Variants in RAB28 observed in about 807,000 individuals in gnomAD.
RAB28 encodes ras-related protein Rab-28.
In RAB28, 24 loss-of-function variants were observed where a neutral mutation model predicts 31.7. The observed-to-expected ratio is 0.76, with a 90% CI of 0.55 to 1.06. RAB28 has a LOEUF of 1.06. Among genes scored for constraint, RAB28 ranks in the 50% least tolerant of loss-of-function variants. The probability of loss-of-function intolerance (pLI) is 0.00; values close to 1 mark genes in which losing one functional copy is unlikely to be tolerated. For synonymous variants in RAB28, 100 were observed against 90.4 expected, an observed-to-expected ratio of 1.11 and a Z score of -0.60; for missense variants, 254 against 258.5, an observed-to-expected ratio of 0.98 and a Z score of 0.12.
chr4:13,370,056 G>C, intron 6 of RAB28: 1 of 1,493,484 alleles, frequency 6.7e-7, no homozygotes, highest in South Asian at 1.4e-5. Context: ...ACTGAATATA[G>C]AAGGAAACAC....
chr4:13,371,125 G>A, intron 6 of RAB28: 1 of 985,288 alleles, frequency 1.0e-6, no homozygotes, highest in Non-Finnish European at 1.2e-6. Flanking sequence ...AAACAATCGA[G>A]AGTAAATGAA....
At chr4:13,480,578 A>G (rs1322580967) in intron 1 of RAB28, among the ~76,000 whole-genome samples, 3 of 151,930 alleles carry the variant, frequency 2.0e-5, no homozygotes, top group Non-Finnish European at 4.4e-5. Flanking sequence ...AAATTTGGCC[A>G]AACTTCAATT....
intron 4 of RAB28, among the ~76,000 whole-genome samples, chr4:13,444,121 G>A (rs1028105584): frequency 1.3e-5 from 2 of 151,036 alleles, no homozygotes; most frequent in African/African-American, 4.9e-5. Flanking sequence ...TCCGCCTCCC[G>A]GGTTCACGCC....
intron 4 of RAB28, among the ~76,000 whole-genome samples, chr4:13,452,003 T>C (rs745385943): frequency 1.3e-5 from 2 of 151,904 alleles, no homozygotes; most frequent in Non-Finnish European, 3.0e-5. Flanking sequence ...TTGTAGTATG[T>C]TTTCAACTTT....
At position 13,381,556 on chromosome 4, in the gene RAB28, G is replaced by A; in HGVS notation, c.430C>T (p.His144Tyr). 1.2e-6 allele frequency: 2 copies of A among 1,613,262 alleles called. No homozygotes were observed. The highest frequency in any genetic ancestry group is 1.7e-6 in the Non-Finnish European group (2 of 1,179,494). Residue 144 changes from histidine (H) to tyrosine (Y), a missense_variant, in exon 5 of 7, where the codon CAC becomes TAC. Transcript: ENST00000330852. ...EHMRTIKPEK[H>Y]LRFCQENGFS... is the part of the protein sequence containing the mutation. ...CCATTTTCCTGGCAAAACCGTAAGT[G>A]TTTTTCAGGTTTTATTGTTCGCATA...
chr4:13,479,331 T>C (rs1478450200), intron 2 of RAB28, 99 bp downstream of exon 2: 3 of 770,842 alleles, frequency 3.9e-6, no homozygotes, highest in African/African-American at 3.6e-5. Flanking sequence ...TACATCTTCA[T>C]GTAGAAGCAG....
At chr4:13,471,890 C>T (rs1393635863) in intron 3 of RAB28, among the ~76,000 whole-genome samples, 1 of 151,998 alleles carries the variant, frequency 6.6e-6, no homozygotes, top group Non-Finnish European at 1.5e-5. Flanking sequence ...AAACTTTATA[C>T]AAGTTCTAAG....
chr4:13,374,064 A>G (rs917113289), intron 6 of RAB28, among the ~76,000 whole-genome samples: 1 of 152,132 alleles, frequency 6.6e-6, no homozygotes, highest in Non-Finnish European at 1.5e-5. Context: ...TATGAATTGT[A>G]AAATCAATAA....
chr4:13,473,725 A>C, intron 3 of RAB28: 1 of 281,316 alleles, frequency 3.6e-6, no homozygotes, highest in Non-Finnish European at 7.1e-6. Flanking sequence ...TTATGTAATT[A>C]TTCAGGTCAT....
Position 13,408,213 on chromosome 4 carries a change from T to C in RAB28, c.392-26619A>G, listed in dbSNP as rs182528074. On this transcript the variant is annotated intron_variant, in intron 4 of 6. Coordinates refer to ENST00000330852, the MANE Select transcript of RAB28 (RefSeq NM_001017979.3). ...CAGTACCTTGTTTATTGAAAGTTTTTAGCACTAAGGGTTGTTGAATTTTGT... is the reference window on the plus strand; with the variant it reads ...CAGTACCTTGTTTATTGAAAGTTTTCAGCACTAAGGGTTGTTGAATTTTGT... Among the ~76,000 whole-genome samples, 4 of 152,358 alleles carry C rather than the reference T, an allele frequency of 2.6e-5. No individual in the cohort carries two copies. In the East Asian group the frequency reaches 7.7e-4, roughly 29 times the overall value.
At chr4:13,377,241 A>T (rs1266069241) in intron 5 of RAB28, among the ~76,000 whole-genome samples, 1 of 152,208 alleles carries the variant, frequency 6.6e-6, no homozygotes, top group Non-Finnish European at 1.5e-5. Context: ...CTTTCCACAC[A>T]TAGTTAGCTT....
intron 4 of RAB28, among the ~76,000 whole-genome samples, chr4:13,390,916 A>G (rs1729599625): frequency 1.3e-5 from 2 of 152,238 alleles, no homozygotes; most frequent in African/African-American, 2.4e-5. Context: ...AAGATGGATT[A>G]AAGACTTAAA....
chr4:13,449,862 T>C (rs748609208), intron 4 of RAB28, among the ~76,000 whole-genome samples: 8 of 151,818 alleles, frequency 5.3e-5, no homozygotes, highest in African/African-American at 9.7e-5. Context: ...GCAGCTTCTA[T>C]GTAACCCCTG....
At chr4:13,459,729 G>C (rs936670088) in intron 4 of RAB28, 2 of 1,015,824 alleles carry the variant, frequency 2.0e-6, no homozygotes, top group Non-Finnish European at 2.4e-6. Flanking sequence ...ATTTAGAAGA[G>C]GAAGTTTATA....
At chr4:13,373,840 C>G (rs1459098011) in intron 6 of RAB28, among the ~76,000 whole-genome samples, 1 of 152,068 alleles carries the variant, frequency 6.6e-6, no homozygotes, top group East Asian at 1.9e-4. Context: ...AACTCCTTCT[C>G]TATAGAATAA....
chr4:13,380,109 T>C (rs1729067524), intron 5 of RAB28, among the ~76,000 whole-genome samples: 1 of 152,146 alleles, frequency 6.6e-6, no homozygotes, highest in South Asian at 2.1e-4. Context: ...GATGAGTTTA[T>C]CTACAATTAT....
At chr4:13,370,097 T>G in intron 6 of RAB28, 11 of 1,418,132 alleles carry the variant, frequency 7.8e-6, no homozygotes, top group Non-Finnish European at 9.2e-6. Context: ...AACATATAAA[T>G]GTAAACATGT....
intron 4 of RAB28, among the ~76,000 whole-genome samples, chr4:13,455,436 A>G (rs1436758274): frequency 1.3e-5 from 2 of 152,210 alleles, no homozygotes; most frequent in Non-Finnish European, 2.9e-5. Flanking sequence ...ACAGCCGATC[A>G]TGGGCCCAGG....
chr4:13,415,958 G>GTCT (rs1712756019), intron 4 of RAB28, among the ~76,000 whole-genome samples: 1 of 152,174 alleles, frequency 6.6e-6, no homozygotes, highest in Non-Finnish European at 1.5e-5. Context: ...AGCACCTTGT[G>GTCT]TCTGGCTCAG....
Sources: gnomAD v4.1 joint callset for allele counts (sites outside exome capture counted in the v4.1 genomes callset) on GRCh38, gnomAD v4.1.1 for gene constraint, MANE v1.5 for transcripts, NCBI Gene and HGNC (gene_info 2026-07-23, HGNC 2026-07-21) for gene names.